Variants in SLC67A2 observed in about 807,000 individuals in gnomAD.
The protein encoded by SLC67A2 is solute carrier family 67 member 2.
chr2:102,724,055 G>A, the SLC67A2 span: 11 of 673,334 alleles, frequency 1.6e-5, no homozygotes, highest in South Asian at 1.8e-5. Context: ...ATACCACCAC[G>A]GCATCTGATC....
At chr2:102,736,392 C>G in the SLC67A2 span, 1 of 967,918 alleles carries the variant, frequency 1.0e-6, no homozygotes, top group Non-Finnish European at 1.4e-6. Context: ...CAGGGCTTCT[C>G]AAAAGGCAGG....
chr2:102,726,038 C>T, the SLC67A2 span, among the ~76,000 whole-genome samples: 4 of 152,152 alleles, frequency 2.6e-5, no homozygotes, highest in South Asian at 2.1e-4. Flanking sequence ...ACCCACCAAG[C>T]GCTACGCCGC....
At chr2:102,715,050 G>A in the SLC67A2 span, among the ~76,000 whole-genome samples, 1 of 152,066 alleles carries the variant, frequency 6.6e-6, no homozygotes, top group East Asian at 1.9e-4. Flanking sequence ...CCTCTCCTGC[G>A]ATTGCCCTGT....
chr2:102,735,852 A>G, the SLC67A2 span, among the ~76,000 whole-genome samples: 10 of 150,776 alleles, frequency 6.6e-5, no homozygotes, highest in African/African-American at 2.2e-4. Flanking sequence ...GCGCGCACAC[A>G]CACACACACA....
At chr2:102,726,811 C>T in the SLC67A2 span, 58 of 1,485,164 alleles carry the variant, frequency 3.9e-5, no homozygotes, top group Non-Finnish European at 4.8e-5. Context: ...GGGGAAGCTA[C>T]GTTTGAAAAA....
chr2:102,714,786 T>G, the SLC67A2 span, among the ~76,000 whole-genome samples: 20,540 of 152,130 alleles, frequency 0.14, 1,717 homozygotes, highest in East Asian at 0.21. Context: ...GTAACCCTGT[T>G]TTAGAGACTT....
the SLC67A2 span, chr2:102,718,756 T>C: frequency 3.1e-6 from 5 of 1,613,662 alleles, no homozygotes; most frequent in African/African-American, 4.0e-5. Flanking sequence ...GCAGCAGCAG[T>C]GTGCAGGTGA....
chr2:102,729,510 A>C, the SLC67A2 span, among the ~76,000 whole-genome samples: 16 of 152,362 alleles, frequency 1.1e-4, no homozygotes, highest in East Asian at 3.1e-3. Flanking sequence ...ACTAAGATGT[A>C]ACTCAAACTT....
chr2:102,720,937 C>T, the SLC67A2 span, among the ~76,000 whole-genome samples: 1 of 152,192 alleles, frequency 6.6e-6, no homozygotes, highest in Non-Finnish European at 1.5e-5. Context: ...CACTGAATGG[C>T]CAAAGCCCTG....
the SLC67A2 span, among the ~76,000 whole-genome samples, chr2:102,725,711 G>T: frequency 1.0e-4 from 1 of 9,660 alleles, no homozygotes; most frequent in Admixed American, 8.8e-4. Context: ...AAGAATGTTG[G>T]GGGGGCTGAA....
chr2:102,734,974 A>C, the SLC67A2 span, among the ~76,000 whole-genome samples: 4 of 152,204 alleles, frequency 2.6e-5, no homozygotes, highest in East Asian at 1.9e-4. Flanking sequence ...GTAAGGGCTC[A>C]AATGTTTTCA....
chr2:102,724,964 G>A, the SLC67A2 span, among the ~76,000 whole-genome samples: 11,109 of 152,254 alleles, frequency 0.073, 1,303 homozygotes, highest in African/African-American at 0.25. Context: ...CATGATTTCC[G>A]TAGGTCTCGC....
At chr2:102,722,360 A>C in the SLC67A2 span, among the ~76,000 whole-genome samples, 1 of 152,224 alleles carries the variant, frequency 6.6e-6, no homozygotes, top group Non-Finnish European at 1.5e-5. Flanking sequence ...GTATGGAGGA[A>C]GGCAGAGAGA....
the SLC67A2 span, among the ~76,000 whole-genome samples, chr2:102,721,867 G>T: frequency 1.3e-5 from 2 of 152,004 alleles, no homozygotes; most frequent in African/African-American, 4.8e-5. Context: ...ACCATGCCTG[G>T]ATAATTAAAA....
chr2:102,728,681 G>A, the SLC67A2 span, among the ~76,000 whole-genome samples: 1 of 149,868 alleles, frequency 6.7e-6, no homozygotes, highest in Non-Finnish European at 1.5e-5. Flanking sequence ...GGTATAATCT[G>A]GGATTTACAC....
chr2:102,731,510 T>G, the SLC67A2 span, among the ~76,000 whole-genome samples: 2 of 152,194 alleles, frequency 1.3e-5, no homozygotes, highest in East Asian at 3.8e-4. Context: ...ATAAAATGAT[T>G]TATTTTATAA....
At chr2:102,730,000 T>C in the SLC67A2 span, among the ~76,000 whole-genome samples, 3 of 152,180 alleles carry the variant, frequency 2.0e-5, no homozygotes, top group African/African-American at 7.2e-5. Flanking sequence ...AGGCCAGCTA[T>C]TGAGACCAAA....
chr2:102,730,795 C>T, the SLC67A2 span, among the ~76,000 whole-genome samples: 3 of 152,274 alleles, frequency 2.0e-5, no homozygotes, highest in South Asian at 2.1e-4. Context: ...GTGATCCACC[C>T]GCCTCAGCCT....
At chr2:102,736,834 C>A in the SLC67A2 span, 3 of 1,584,842 alleles carry the variant, frequency 1.9e-6, no homozygotes, top group South Asian at 2.3e-5. Flanking sequence ...GGGGGTCGGA[C>A]GCAGCAGCAG....
Sources: gnomAD v4.1 joint callset for allele counts (sites outside exome capture counted in the v4.1 genomes callset) on GRCh38, gnomAD v4.1.1 for gene constraint, MANE v1.5 for transcripts, NCBI Gene and HGNC (gene_info 2026-07-23, HGNC 2026-07-21) for gene names.